Variants in TBC1D21 observed in about 807,000 individuals in gnomAD.
The protein encoded by TBC1D21 is male germ cell Rab GTPase-activating protein.
TBC1D21 carries 38 observed loss-of-function variants against 46.0 expected under a neutral mutation model. That is an observed-to-expected ratio of 0.83 (90% CI 0.64 to 1.08). TBC1D21 has a LOEUF of 1.08. Ranked by LOEUF, TBC1D21 falls within the 50% of genes least tolerant of loss-of-function variation. The pLI is 0.00. For missense variants in TBC1D21, 415 were observed against 417.9 expected (o/e 0.99, Z 0.06); for synonymous variants, 151 against 157.2 (o/e 0.96, Z 0.29).
At chr15:73,894,249 G>A in the TBC1D21 span, among the ~76,000 whole-genome samples, 4 of 152,116 alleles carry the variant, frequency 2.6e-5, no homozygotes, top group South Asian at 2.1e-4. Context: ...CCATCCTCCC[G>A]CAGCCCACAC....
chr15:73,885,951 A>C (rs2068237419), intron 6 of TBC1D21, 127 bp from the exon 7 acceptor site: 1 of 697,930 alleles, frequency 1.4e-6, no homozygotes, highest in Admixed American at 2.3e-5. Context: ...AGACTCATAG[A>C]GACATGGGCC....
At chr15:73,875,807 ATTACCAGGTCATT>A (rs2068049926) in intron 1 of TBC1D21, among the ~76,000 whole-genome samples, 1 of 152,188 alleles carries the variant, frequency 6.6e-6, no homozygotes, top group African/African-American at 2.4e-5. Context: ...CCCCTCCCGG[ATTACCAGGTCATT>A]ATACCCAGTG....
downstream of TBC1D21, among the ~76,000 whole-genome samples, chr15:73,893,326 A>C (rs1298141508): frequency 6.6e-6 from 1 of 152,170 alleles, no homozygotes; most frequent in South Asian, 2.1e-4. Flanking sequence ...CCTAGACATA[A>C]TATCTTTAAA....
chr15:73,892,605 C>T (rs1055251186), downstream of TBC1D21, among the ~76,000 whole-genome samples: 1 of 152,272 alleles, frequency 6.6e-6, no homozygotes, highest in Non-Finnish European at 1.5e-5. Context: ...GCCCCTCCCA[C>T]CACAGCTGGC....
chr15:73,880,034 T>A (rs1329133602), intron 1 of TBC1D21, among the ~76,000 whole-genome samples: 1 of 152,010 alleles, frequency 6.6e-6, no homozygotes, highest in Non-Finnish European at 1.5e-5. Context: ...GTAGCTGGGA[T>A]TACCGGCATG....
At chr15:73,909,357 C>T in the TBC1D21 span, among the ~76,000 whole-genome samples, 7 of 129,356 alleles carry the variant, frequency 5.4e-5, no homozygotes, top group South Asian at 1.4e-3. Flanking sequence ...GGCGACACAG[C>T]GAGACTCCAT....
At chr15:73,891,332 C>T (rs1217169840), downstream of TBC1D21, among the ~76,000 whole-genome samples, 1 of 152,226 alleles carries the variant, frequency 6.6e-6, no homozygotes, top group Non-Finnish European at 1.5e-5. Context: ...TTTATTTCAG[C>T]ATGCATTTAT....
chr15:73,897,612 A>T, the TBC1D21 span, among the ~76,000 whole-genome samples: 1 of 152,116 alleles, frequency 6.6e-6, no homozygotes, highest in Non-Finnish European at 1.5e-5. Context: ...CCAGGACTCC[A>T]TGGGGAGGCC....
At chr15:73,899,471 G>A in the TBC1D21 span, among the ~76,000 whole-genome samples, 1 of 152,176 alleles carries the variant, frequency 6.6e-6, no homozygotes, top group African/African-American at 2.4e-5. Flanking sequence ...TGATGCCAGG[G>A]CTGTGCTTCC....
chr15:73,891,976 C>T (rs1167678499), downstream of TBC1D21, among the ~76,000 whole-genome samples: 2 of 152,248 alleles, frequency 1.3e-5, no homozygotes, highest in African/African-American at 4.8e-5. Flanking sequence ...ACCCCACCTT[C>T]AGGCCAGGGA....
At chr15:73,906,981 C>A in the TBC1D21 span, among the ~76,000 whole-genome samples, 1 of 152,124 alleles carries the variant, frequency 6.6e-6, no homozygotes, top group Non-Finnish European at 1.5e-5. Context: ...TATAAAGAGG[C>A]CCCACCAACC....
At chr15:73,897,103 C>T in the TBC1D21 span, among the ~76,000 whole-genome samples, 1 of 152,140 alleles carries the variant, frequency 6.6e-6, no homozygotes, top group African/African-American at 2.4e-5. Context: ...TCATCTTGGT[C>T]GCCGCACTGA....
intron 1 of TBC1D21, among the ~76,000 whole-genome samples, chr15:73,878,143 G>T (rs2141553778): frequency 6.6e-6 from 1 of 152,358 alleles, no homozygotes; most frequent in African/African-American, 2.4e-5. Context: ...ACTCACAGAT[G>T]AACATGCTCA....
chr15:73,885,092 C>T lies in TBC1D21; in HGVS notation c.568C>T (p.Leu190=), dbSNP rs1297952102. The T allele has an allele frequency of 6.2e-7, 1 of 1,612,734 alleles. No individual in the cohort carries two copies. The highest frequency in any genetic ancestry group is 1.1e-5 in the South Asian group (1 of 91,076). ...HETFWLFQFF[L]QKTEHSCVIN... ...GACCTTCTGGCTTTTCCAGTTCTTC[C>T]TGCAGAAAACGGTGAGGGCAAGGCC... Residue 190 remains leucine (L), a synonymous_variant, in exon 6 of 11, where the codon CTG becomes TTG. Transcript: ENST00000300504.
the TBC1D21 span, among the ~76,000 whole-genome samples, chr15:73,899,779 C>G: frequency 6.6e-6 from 1 of 152,146 alleles, no homozygotes; most frequent in Non-Finnish European, 1.5e-5. Flanking sequence ...GCACATTAGT[C>G]TGGGGGCTGT....
intron 1 of TBC1D21, among the ~76,000 whole-genome samples, chr15:73,878,867 C>A (rs1268573604): frequency 6.6e-6 from 1 of 152,194 alleles, no homozygotes; most frequent in African/African-American, 2.4e-5. Flanking sequence ...CTGCTTCCTG[C>A]CACATTGCAT....
At chr15:73,909,588 T>G in the TBC1D21 span, among the ~76,000 whole-genome samples, 61,681 of 151,918 alleles carry the variant, frequency 0.41, 14,183 homozygotes, top group Middle Eastern at 0.58. Flanking sequence ...AAGGCCATGA[T>G]GTCAGGCTGT....
At chr15:73,899,600 G>A in the TBC1D21 span, among the ~76,000 whole-genome samples, 8 of 152,176 alleles carry the variant, frequency 5.3e-5, no homozygotes, top group Non-Finnish European at 8.8e-5. Context: ...GGGAGGTGGC[G>A]GGACAGGAGA....
the TBC1D21 span, among the ~76,000 whole-genome samples, chr15:73,902,334 C>T: frequency 5.3e-5 from 8 of 152,272 alleles, no homozygotes; most frequent in Non-Finnish European, 7.4e-5. Context: ...CATCACAGGA[C>T]GGTAGGAGGG....
Sources: gnomAD v4.1 joint callset for allele counts (sites outside exome capture counted in the v4.1 genomes callset) on GRCh38, gnomAD v4.1.1 for gene constraint, MANE v1.5 for transcripts, NCBI Gene and HGNC (gene_info 2026-07-23, HGNC 2026-07-21) for gene names.